HS3ST4: variants seen among roughly 807,000 people sequenced by gnomAD.
HS3ST4 encodes the protein heparan sulfate glucosamine 3-O-sulfotransferase 4.
HS3ST4 carries 17 observed loss-of-function variants against 29.2 expected under a neutral mutation model. That is an observed-to-expected ratio of 0.58 (90% CI 0.40 to 0.87). The LOEUF is 0.87. Among genes scored for constraint, HS3ST4 ranks in the 40% least tolerant of loss-of-function variants. The pLI, the probability that HS3ST4 is intolerant of heterozygous loss-of-function variation, is 0.00. For missense variants in HS3ST4, 627 were observed against 634.5 expected, an observed-to-expected ratio of 0.99 and a Z score of 0.13; for synonymous variants, 314 against 285.7, an observed-to-expected ratio of 1.10 and a Z score of -1.00.
At chr16:26,033,229 TAGC>T (rs1376802137) in intron 1 of HS3ST4, among the ~76,000 whole-genome samples, 4 of 151,862 alleles carry the variant, frequency 2.6e-5, no homozygotes, top group Non-Finnish European at 5.9e-5. Context: ...AAATGTATAT[TAGC>T]AGGCTGGGCA....
chr16:25,881,207 T>C (rs1967892303), intron 1 of HS3ST4, among the ~76,000 whole-genome samples: 2 of 152,184 alleles, frequency 1.3e-5, no homozygotes, highest in South Asian at 4.1e-4. Context: ...AACCATTTCA[T>C]TTAATGACCA....
chr16:26,115,448 C>G (rs951952774), intron 1 of HS3ST4, among the ~76,000 whole-genome samples: 1 of 151,974 alleles, frequency 6.6e-6, no homozygotes, highest in Admixed American at 6.6e-5. Context: ...CTAATGACAG[C>G]AGACAGTCAG....
At chr16:25,711,176 C>T (rs1337673352) in intron 1 of HS3ST4, among the ~76,000 whole-genome samples, 1 of 151,950 alleles carries the variant, frequency 6.6e-6, no homozygotes, top group African/African-American at 2.4e-5. Context: ...CCATGAAAGA[C>T]TTTGGCGATG....
intron 1 of HS3ST4, among the ~76,000 whole-genome samples, chr16:25,811,591 G>A (rs903000073): frequency 2.0e-5 from 3 of 151,444 alleles, no homozygotes; most frequent in African/African-American, 4.8e-5. Flanking sequence ...GTCCCACCAC[G>A]CCTGGCTAAT....
In HS3ST4 at chr16:25,921,003, G is replaced by C. The variant is rs527986975; in HGVS notation, c.735-214609G>C. 5.9e-5 allele frequency among the ~76,000 whole-genome samples: 9 copies of C among 152,026 alleles called. No homozygotes were observed. In the East Asian group the frequency reaches 9.6e-4, roughly 16 times the overall value. ...TCTAAAATTGTAACCCACTCCTCTC[G>C]ACACTCTATCTGGGACACGTAGCAC... On this transcript the variant is annotated intron_variant, in intron 1 of 1. Coordinates refer to ENST00000331351, the MANE Select transcript of HS3ST4 (RefSeq NM_006040.3).
chr16:25,875,834 C>A (rs1188704606), intron 1 of HS3ST4, among the ~76,000 whole-genome samples: 2 of 152,070 alleles, frequency 1.3e-5, no homozygotes, highest in East Asian at 3.9e-4. Context: ...ACCATGGGCT[C>A]CTCCAGCTGA....
chr16:26,059,964 G>A (rs1011486291), intron 1 of HS3ST4, among the ~76,000 whole-genome samples: 5 of 151,976 alleles, frequency 3.3e-5, no homozygotes, highest in Admixed American at 1.3e-4. Context: ...ATATTTAGTA[G>A]AGATGGGGTT....
At chr16:26,061,395 G>A (rs1898474734) in intron 1 of HS3ST4, among the ~76,000 whole-genome samples, 2 of 152,182 alleles carry the variant, frequency 1.3e-5, no homozygotes, top group Non-Finnish European at 2.9e-5. Context: ...GCAGAGAATA[G>A]CCAGGATTAC....
At chr16:25,908,156 G>T (rs150935814) in intron 1 of HS3ST4, among the ~76,000 whole-genome samples, 2 of 152,172 alleles carry the variant, frequency 1.3e-5, no homozygotes, top group Non-Finnish European at 1.5e-5. Flanking sequence ...GGAAAACAGC[G>T]CAGGCTCAGC....
rs139517791 is a variant in HS3ST4, at chr16:25,915,635, G to A, written c.735-219977G>A. Among the ~76,000 whole-genome samples, 1,064 of 152,208 alleles carry A rather than the reference G, an allele frequency of 7.0e-3. 18 individuals are homozygous for A. The highest frequency in any genetic ancestry group is 0.025 in the African/African-American group (1,030 of 41,522). On this transcript the variant is annotated intron_variant, in intron 1 of 1. Transcript: ENST00000331351. ...TGATTCTTACATGGCCTCAGCTGAC[G>A]TCTCCCATCTTCTATCTTTAAGTTT...
rs1206204361 is a variant in HS3ST4 at position 25,692,400 on chromosome 16, C to A, written c.-18C>A. 1.2e-6 allele frequency: 1 copy of A among 867,358 alleles called. No individual in the cohort carries two copies. Among genetic ancestry groups the A allele is most frequent in the Non-Finnish European group, 1.4e-6 (1 of 705,618 alleles). The allele number at this position is 867,358 out of a possible 1,614,324, so 53.7% of individuals were successfully genotyped here. A position where few individuals can be genotyped will look rare whatever the true frequency, so the allele number is the denominator to read the frequency against. On this transcript the variant is annotated 5_prime_UTR_variant, in exon 1 of 2. Coordinates refer to ENST00000331351, the MANE Select transcript of HS3ST4 (RefSeq NM_006040.3). The stretch of plus-strand genomic sequence containing the variant: ...GGGCTGCCGCCGCCGCCGCCGCCGC[C>A]GCGAGCCGGGAGCCGCGATGGCCCG...
intron 1 of HS3ST4, among the ~76,000 whole-genome samples, chr16:26,134,362 C>CTTTTCTTTTCTTTTT (rs750289979): frequency 3.9e-5 from 3 of 76,810 alleles, no homozygotes; most frequent in African/African-American, 1.4e-4. Flanking sequence ...CTTTTCTTTT[C>CTTTTCTTTTCTTTTT]TTTTTTTTTT....
intron 1 of HS3ST4, among the ~76,000 whole-genome samples, chr16:25,973,397 A>G (rs1968915205): frequency 6.6e-6 from 1 of 152,252 alleles, no homozygotes; most frequent in Admixed American, 6.5e-5. Flanking sequence ...ATTAAAGCTC[A>G]GAAAAGAAGA....
At chr16:26,112,014 C>CA (rs33971867) in intron 1 of HS3ST4, among the ~76,000 whole-genome samples, 24,888 of 136,196 alleles carry the variant, frequency 0.18, 2,401 homozygotes, top group Admixed American at 0.23. Context: ...AGACTCCACT[C>CA]AAAAAAAAAA....
At chr16:25,955,336 G>A (rs1395243209) in intron 1 of HS3ST4, among the ~76,000 whole-genome samples, 1 of 152,156 alleles carries the variant, frequency 6.6e-6, no homozygotes, top group Non-Finnish European at 1.5e-5. Context: ...TCCTAAAGGT[G>A]CAATAAACCT....
chr16:26,050,283 ACT>A (rs1034252904), intron 1 of HS3ST4, among the ~76,000 whole-genome samples: 3 of 149,212 alleles, frequency 2.0e-5, no homozygotes, highest in Admixed American at 6.7e-5. Flanking sequence ...GAGGTAGAAG[ACT>A]CTCTCTCTCT....
At chr16:25,979,787 C>T (rs1235497697) in intron 1 of HS3ST4, among the ~76,000 whole-genome samples, 1 of 152,212 alleles carries the variant, frequency 6.6e-6, no homozygotes, top group African/African-American at 2.4e-5. Context: ...AGTTTGGGAA[C>T]TGCTGTCCTG....
At chr16:26,069,149 G>A (rs533073307) in intron 1 of HS3ST4, among the ~76,000 whole-genome samples, 31 of 152,098 alleles carry the variant, frequency 2.0e-4, no homozygotes, top group African/African-American at 4.8e-4. Flanking sequence ...ACAGAGTTTC[G>A]CCATGTTGCC....
At chr16:25,814,742 T>C (rs1210676759) in intron 1 of HS3ST4, among the ~76,000 whole-genome samples, 1 of 152,210 alleles carries the variant, frequency 6.6e-6, no homozygotes, top group Non-Finnish European at 1.5e-5. Flanking sequence ...CAGCTCCGCA[T>C]TAACCACCAT....
Sources: gnomAD v4.1 joint callset for allele counts (sites outside exome capture counted in the v4.1 genomes callset) on GRCh38, gnomAD v4.1.1 for gene constraint, MANE v1.5 for transcripts, NCBI Gene and HGNC (gene_info 2026-07-23, HGNC 2026-07-21) for gene names.